The following ZNF136 variants were observed in gnomAD, a reference collection of about 807,000 sequenced individuals.
ZNF136 encodes the protein zinc finger protein 136 (clone pHZ-20).
In ZNF136, 8 loss-of-function variants were observed where a neutral mutation model predicts 11.4. The observed-to-expected ratio is 0.70, with a 90% CI of 0.41 to 1.27. The LOEUF (loss-of-function observed/expected upper bound fraction) is 1.27. Among genes scored for constraint, ZNF136 ranks in the 50% most tolerant of loss-of-function variants. The pLI is 0.01. For synonymous variants in ZNF136, 190 were observed against 207.1 expected, an observed-to-expected ratio of 0.92 and a Z score of 0.71; for missense variants, 590 against 656.5, an observed-to-expected ratio of 0.90 and a Z score of 1.11.
At position 12,187,720 on chromosome 19, in the gene ZNF136, T is replaced by C; in HGVS notation, c.1342T>C (p.Tyr448His). ...HERTHTGEKP[Y>H]ECKQCGKAFS... ...AAGAACTCATACTGGAGAGAAACCC[T>C]ATGAGTGTAAGCAATGTGGGAAAGC... Residue 448 changes from tyrosine (Y) to histidine (H), a missense_variant, in exon 4 of 4, where the codon TAT (tyrosine) becomes CAT (histidine). Coordinates refer to ENST00000343979, the MANE Select transcript of ZNF136 (RefSeq NM_003437.5). The C allele has an allele frequency of 6.2e-7, 1 of 1,613,980 alleles. No individual in the cohort carries two copies.
At chr19:12,166,044 C>G (rs1361875854) in intron 1 of ZNF136, among the ~76,000 whole-genome samples, 1 of 139,158 alleles carries the variant, frequency 7.2e-6, no homozygotes, top group Non-Finnish European at 1.5e-5. Context: ...CCTGGCCAAC[C>G]TGGTGAAAAC....
chr19:12,181,086 C>G (rs984038696), intron 1 of ZNF136, among the ~76,000 whole-genome samples: 3 of 152,224 alleles, frequency 2.0e-5, no homozygotes, highest in Non-Finnish European at 2.9e-5. Context: ...CTTGAGCTGG[C>G]TGCATTACCT....
chr19:12,167,814 A>G (rs1914518310), intron 1 of ZNF136, among the ~76,000 whole-genome samples: 1 of 152,308 alleles, frequency 6.6e-6, no homozygotes, highest in South Asian at 2.1e-4. Context: ...AGTTTATTCT[A>G]CAATTAAACT....
At chr19:12,182,860 A>G (rs1000080695) in intron 1 of ZNF136, among the ~76,000 whole-genome samples, 4 of 152,198 alleles carry the variant, frequency 2.6e-5, no homozygotes, top group Non-Finnish European at 5.9e-5. Context: ...CTGACTGGGC[A>G]GTTAAGTCAG....
At position 12,187,004 on chromosome 19, in the gene ZNF136, G is replaced by C. The variant is rs1221237268; in HGVS notation, c.626G>C (p.Ser209Thr). ...KVCGKAFDYP[S>T]RFRTHERSHT... is the part of the protein sequence containing the mutation. Reference sequence around the variant, plus strand: ...TGTGGGAAAGCTTTTGATTATCCCAGTAGATTTCGAACACATGAAAGAAGT... The same window carrying C: ...TGTGGGAAAGCTTTTGATTATCCCACTAGATTTCGAACACATGAAAGAAGT... The change falls in exon 4 of 4, where the codon AGT becomes ACT. Residue 209 changes from serine to threonine, a missense_variant. Ser to Thr is a moderately conservative substitution (Grantham distance 58). Coordinates refer to ENST00000343979, the MANE Select transcript of ZNF136 (RefSeq NM_003437.5). 6.2e-7 allele frequency: 1 copy of C among 1,613,946 alleles called. No individual in the cohort carries two copies. Among genetic ancestry groups the C allele is most frequent in the Non-Finnish European group, 8.5e-7 (1 of 1,180,002 alleles).
At chr19:12,183,208 A>G (rs541836027) in intron 1 of ZNF136, among the ~76,000 whole-genome samples, 392 of 152,014 alleles carry the variant, frequency 2.6e-3, no homozygotes, top group Non-Finnish European at 4.0e-3. Context: ...TCAGTGGCAC[A>G]ATCACGTCTC....
At chr19:12,186,047 A>C in intron 2 of ZNF136, 67 bp from the exon 3 acceptor site, 9 of 1,591,354 alleles carry the variant, frequency 5.7e-6, no homozygotes, top group Non-Finnish European at 7.7e-6. Flanking sequence ...GGTATCATGA[A>C]CCTAGAATCT....
At chr19:12,175,139 A>G (rs1914757801) in intron 1 of ZNF136, among the ~76,000 whole-genome samples, 1 of 152,168 alleles carries the variant, frequency 6.6e-6, no homozygotes, top group South Asian at 2.1e-4. Context: ...CAGAGAAAAA[A>G]GAGCAAGTGA....
At chr19:12,168,007 A>G (rs1490013256) in intron 1 of ZNF136, among the ~76,000 whole-genome samples, 1 of 151,070 alleles carries the variant, frequency 6.6e-6, no homozygotes, top group Non-Finnish European at 1.5e-5. Flanking sequence ...TTTTTAAAAA[A>G]TAAAGCCAGA....
At position 12,163,111 on chromosome 19, in the gene ZNF136, C is replaced by A; in HGVS notation, c.-93C>A. On this transcript the variant is annotated 5_prime_UTR_variant, in exon 1 of 4. Transcript: ENST00000343979. ...GTTTCGCTTCGCTAGTCCCAGAGGC[C>A]CAGAGTGGCTCGCCTGGAGTCTCTG... is the stretch of plus-strand genomic sequence containing the variant. The A allele has an allele frequency of 7.4e-7, 1 of 1,343,174 alleles. No individual in the cohort carries two copies. The highest frequency in any genetic ancestry group is 9.7e-7 in the Non-Finnish European group (1 of 1,030,642). The allele number at this position is 1,343,174 out of a possible 1,614,324, so 83.2% of individuals were successfully genotyped here. A position where few individuals can be genotyped will look rare whatever the true frequency, so the allele number is the denominator to read the frequency against.
chr19:12,163,926 T>TC (rs1272276011), intron 1 of ZNF136: 4 of 152,218 alleles, frequency 2.6e-5, no homozygotes, highest in African/African-American at 9.7e-5. Context: ...GAGTTGAGGT[T>TC]CCCCTTTGGA....
chr19:12,176,022 T>G (rs916753989), intron 1 of ZNF136, among the ~76,000 whole-genome samples: 10 of 152,212 alleles, frequency 6.6e-5, no homozygotes, highest in Non-Finnish European at 1.5e-4. Flanking sequence ...GCTCATTTAT[T>G]TTTAGTACCT....
In ZNF136 at chr19:12,183,124, TTTG is replaced by T. The variant is rs544857401; in HGVS notation, c.4-2643_4-2641del. Among the ~76,000 whole-genome samples the T allele has an allele frequency of 4.8e-3, 722 of 151,984 alleles. 2 individuals are homozygous for T. The highest frequency in any genetic ancestry group is 0.015 in the African/African-American group (628 of 41,452). On this transcript the variant is annotated intron_variant, in intron 1 of 3. Coordinates refer to ENST00000343979, the MANE Select transcript of ZNF136 (RefSeq NM_003437.5). ...TCTCAGGTCTGTTCTTTTTTGTGAT[TTTG>T]TTGTTGTTGTTGTTGTTTTGTTTTT...
intron 3 of ZNF136, 70 bp downstream of exon 3, chr19:12,186,244 G>A: frequency 6.8e-7 from 1 of 1,466,624 alleles, no homozygotes; most frequent in Non-Finnish European, 9.2e-7. Context: ...TTAAAAACAG[G>A]CAAACATAAC....
intron 1 of ZNF136, among the ~76,000 whole-genome samples, chr19:12,183,553 ATCTATCTATCTATCT>A (rs1568403124): frequency 7.7e-4 from 10 of 12,908 alleles, no homozygotes; most frequent in African/African-American, 3.6e-3. Flanking sequence ...AACTGAATCT[ATCTATCTATCTATCT>A]ATCTATCTAT....
At chr19:12,163,337 C>A in intron 1 of ZNF136, 131 bp downstream of exon 1, 1 of 1,199,202 alleles carries the variant, frequency 8.3e-7, no homozygotes, top group Non-Finnish European at 1.1e-6. Context: ...TCTGGCGCAG[C>A]TCAGCCCTTG....
At chr19:12,183,431 C>G (rs1193684792) in intron 1 of ZNF136, among the ~76,000 whole-genome samples, 1 of 152,156 alleles carries the variant, frequency 6.6e-6, no homozygotes, top group Non-Finnish European at 1.5e-5. Context: ...CCACCACTCC[C>G]AGCTCCTTTT....
intron 1 of ZNF136, chr19:12,184,572 AAG>A (rs964583305): frequency 2.6e-5 from 4 of 152,034 alleles, no homozygotes; most frequent in African/African-American, 7.2e-5. Flanking sequence ...AAAAAAAAAA[AAG>A]GTAAAAAATC....
chr19:12,172,329 C>G (rs994012454), intron 1 of ZNF136, among the ~76,000 whole-genome samples: 3 of 152,098 alleles, frequency 2.0e-5, no homozygotes, highest in African/African-American at 7.2e-5. Context: ...TATCCCTGTC[C>G]TGGTGTGGCT....
Sources: allele counts gnomAD v4.1 joint callset (sites outside exome capture counted in the v4.1 genomes callset), GRCh38; gene constraint gnomAD v4.1.1; transcripts MANE v1.5; gene names NCBI Gene and HGNC (gene_info 2026-07-23, HGNC 2026-07-21).